MYH10: variants seen among roughly 807,000 people sequenced by gnomAD.
MYH10 encodes myosin-10.
Under a neutral mutation model 257.8 loss-of-function variants are expected in MYH10, and 55 were observed. The ratio of observed to expected loss-of-function variants is 0.21; its 90% confidence interval spans 0.17 to 0.27. The LOEUF is 0.27. Ranked by LOEUF, MYH10 falls within the 10% of genes least tolerant of loss-of-function variation. The probability of loss-of-function intolerance (pLI) is 1.00; values close to 1 mark genes in which losing one functional copy is unlikely to be tolerated. For synonymous variants in MYH10, 854 were observed against 921.7 expected (o/e 0.93, Z 1.33); for missense variants, 1,631 against 2,500.6 (o/e 0.65, Z 7.42).
rs757963661 is a variant in MYH10 at position 8,476,985 on chromosome 17, C to A, written c.5770G>T (p.Ala1924Ser). The A allele has an allele frequency of 3.1e-6, 5 of 1,614,184 alleles. No individual in the cohort carries two copies. Residue 1924 changes from alanine (A) to serine (S), a missense_variant, in exon 42 of 43, where the codon GCG becomes TCG. Physicochemically the swap from Ala to Ser is moderately conservative, Grantham distance 99. Around this residue, in one of 11 missense-constraint regions of MYH10, gnomAD observed 343 missense variants for 389.5 expected, o/e 0.88. Transcript: ENST00000360416. ...CGCCGAGATGCGTTGGCACGCGTCG[C>A]TTCTTCTTCTGCTTCCTCCAGCTGG... ...KRQLEEAEEE[A>S]TRANASRRKL...
intron 41 of MYH10, 116 bp downstream of exon 41, chr17:8,478,222 A>G: frequency 1.1e-6 from 1 of 879,150 alleles, no homozygotes; most frequent in Admixed American, 2.1e-5. Flanking sequence ...AGCCCACGTT[A>G]GCTGAAACAT....
chr17:8,547,122 G>T (rs1190346763), intron 11 of MYH10, among the ~76,000 whole-genome samples: 1 of 152,132 alleles, frequency 6.6e-6, no homozygotes, highest in East Asian at 1.9e-4. Context: ...GACGGGCATA[G>T]CACGACAGCC....
chr17:8,505,844 G>C (rs146969559), intron 27 of MYH10: 3 of 152,336 alleles, frequency 2.0e-5, no homozygotes, highest in Non-Finnish European at 2.9e-5. Flanking sequence ...AGCCAGTGTG[G>C]TGGTGCACAC....
chr17:8,621,666 G>C (rs1201196499), intron 2 of MYH10, among the ~76,000 whole-genome samples: 3 of 152,102 alleles, frequency 2.0e-5, no homozygotes, highest in African/African-American at 7.2e-5. Flanking sequence ...CAACCCTGTG[G>C]CCTCTTACTC....
intron 13 of MYH10, among the ~76,000 whole-genome samples, chr17:8,544,139 A>G (rs568267789): frequency 6.6e-6 from 1 of 152,150 alleles, no homozygotes; most frequent in Non-Finnish European, 1.5e-5. Flanking sequence ...AATAATTTGA[A>G]CCAGTTTCCT....
At chr17:8,476,027 C>T in intron 42 of MYH10, 79 bp from the exon 43 acceptor site, 1 of 1,480,124 alleles carries the variant, frequency 6.8e-7, no homozygotes. Flanking sequence ...CCACTCAATG[C>T]CACGGAACCT....
chr17:8,518,354 G>C (rs553966393), intron 21 of MYH10, among the ~76,000 whole-genome samples: 1 of 151,934 alleles, frequency 6.6e-6, no homozygotes, highest in Admixed American at 6.6e-5. Context: ...GGCTGGTCTC[G>C]AACTCCTGAG....
At chr17:8,601,547 C>T (rs1383349137) in intron 3 of MYH10, among the ~76,000 whole-genome samples, 1 of 152,210 alleles carries the variant, frequency 6.6e-6, no homozygotes. Context: ...CAAGAATCTA[C>T]AAATACATTC....
At chr17:8,515,259 T>G (rs1273298388) in intron 21 of MYH10, among the ~76,000 whole-genome samples, 1 of 151,996 alleles carries the variant, frequency 6.6e-6, no homozygotes, top group African/African-American at 2.4e-5. Context: ...ATGGAAAAAA[T>G]AAGAAAAACA....
Position 8,552,013 on chromosome 17 carries a change from G to T in MYH10, c.919+33C>A. ...AAAAAATTAAAAGAGATATTCCAGT[G>T]AATATAAAATAGTAAAAACCTTTGT... On this transcript the variant is annotated intron_variant, in intron 9 of 42. Transcript: ENST00000360416. This position sits in a 1 kb window ranked among gnomAD's most constrained non-coding sequence, Gnocchi z 4.8. 1 of 1,208,062 alleles carries T rather than the reference G, an allele frequency of 8.3e-7. No homozygotes were observed. The highest frequency in any genetic ancestry group is 1.9e-5 in the South Asian group (1 of 51,482). The allele number at this position is 1,208,062 out of a possible 1,614,324, so 74.8% of individuals were successfully genotyped here.
At chr17:8,553,483 T>G (rs913621859) in intron 8 of MYH10, among the ~76,000 whole-genome samples, 2 of 152,110 alleles carry the variant, frequency 1.3e-5, no homozygotes, top group African/African-American at 4.8e-5. Context: ...CTTATGGCCA[T>G]TCTATGCAGG....
At chr17:8,533,225 C>T (rs1439560032) in intron 16 of MYH10, among the ~76,000 whole-genome samples, 1 of 152,172 alleles carries the variant, frequency 6.6e-6, no homozygotes, top group Non-Finnish European at 1.5e-5. Flanking sequence ...TGGGTCACTA[C>T]CCAAGGTCAC....
intron 7 of MYH10, chr17:8,560,880 A>G (rs1450865724): frequency 3.7e-6 from 2 of 534,798 alleles, no homozygotes; most frequent in South Asian, 3.2e-5. Context: ...GAGGGAGTGA[A>G]TATCATGGAA....
At chr17:8,546,842 T>G (rs1425865242) in intron 11 of MYH10, among the ~76,000 whole-genome samples, 180 bp from the exon 12 acceptor site, 1 of 152,214 alleles carries the variant, frequency 6.6e-6, no homozygotes, top group African/African-American at 2.4e-5. Context: ...TTCAAATTAA[T>G]ACACACTCAT....
intron 4 of MYH10, among the ~76,000 whole-genome samples, chr17:8,585,559 T>C (rs1179916750): frequency 6.6e-6 from 1 of 152,000 alleles, no homozygotes; most frequent in Non-Finnish European, 1.5e-5. Flanking sequence ...AAATCTAAGA[T>C]ACATTGTTTA....
At chr17:8,594,261 A>G (rs971674508) in intron 3 of MYH10, among the ~76,000 whole-genome samples, 2 of 152,336 alleles carry the variant, frequency 1.3e-5, no homozygotes, top group Middle Eastern at 3.4e-3. Flanking sequence ...AAAAATCAGA[A>G]AACTATCAAA....
At chr17:8,513,698 T>G (rs2081371470) in intron 22 of MYH10, 29 bp from the exon 23 acceptor site, 1 of 1,608,956 alleles carries the variant, frequency 6.2e-7, no homozygotes, top group Admixed American at 1.7e-5. Context: ...GTTTTTTTTT[T>G]TTTATCATTC....
intron 11 of MYH10, among the ~76,000 whole-genome samples, chr17:8,547,831 T>A (rs1256224765): frequency 6.8e-6 from 1 of 147,820 alleles, no homozygotes; most frequent in Non-Finnish European, 1.5e-5. Flanking sequence ...ATATATTATA[T>A]ATATATATTT....
At chr17:8,562,969 C>G (rs1186412437) in intron 7 of MYH10, among the ~76,000 whole-genome samples, 2 of 152,174 alleles carry the variant, frequency 1.3e-5, no homozygotes, top group African/African-American at 4.8e-5. Context: ...TCTATAGTAA[C>G]TAAAACTAGA....
Sources: gnomAD v4.1 joint callset for allele counts (sites outside exome capture counted in the v4.1 genomes callset) on GRCh38, gnomAD v4.1.1 for gene constraint, gnomAD v4.1.1 regional missense constraint, Gnocchi (gnomAD v3.1) non-coding constraint, MANE v1.5 for transcripts, NCBI Gene and HGNC (gene_info 2026-07-23, HGNC 2026-07-21) for gene names.